Variants in DKK2 observed in about 807,000 individuals in gnomAD.
The protein encoded by DKK2 is dickkopf-related protein 2.
Under a neutral mutation model 28.1 loss-of-function variants are expected in DKK2, and 11 were observed. The ratio of observed to expected loss-of-function variants is 0.39; its 90% CI spans 0.25 to 0.65. The LOEUF is 0.65. Among genes scored for constraint, DKK2 ranks in the 30% least tolerant of loss-of-function variants. DKK2 has a pLI of 0.47. For missense variants in DKK2, 326 were observed against 335.5 expected (o/e 0.97, Z 0.22); for synonymous variants, 135 against 126.5 (o/e 1.07, Z -0.45).
At chr4:106,977,815 C>A (rs930917161) in intron 1 of DKK2, among the ~76,000 whole-genome samples, 6 of 152,106 alleles carry the variant, frequency 3.9e-5, no homozygotes, top group African/African-American at 1.4e-4. Flanking sequence ...GGAGAAGAGG[C>A]GCTCTGGTTT....
chr4:107,011,997 T>C lies in DKK2; in HGVS notation c.222+23373A>G, dbSNP rs1271779298. Reference sequence around the variant, plus strand: ...TATTAGTAAAAGTAAATTTCTATTTTGCTCCTAAAGAGTAGCAGCACCTCC... The same window carrying C: ...TATTAGTAAAAGTAAATTTCTATTTCGCTCCTAAAGAGTAGCAGCACCTCC... On this transcript the variant is annotated intron_variant, in intron 1 of 3. Transcript: ENST00000285311. Among the ~76,000 whole-genome samples the C allele has an allele frequency of 2.0e-5, 3 of 151,474 alleles. No homozygotes were observed. The East Asian group carries it at 5.8e-4, about 29-fold the overall frequency.
rs1329141975 is a variant in DKK2, at chr4:106,978,980, C to T, written c.223-53031G>A. 4.6e-5 allele frequency among the ~76,000 whole-genome samples: 7 copies of T among 152,212 alleles called. No individual in the cohort carries two copies. The East Asian group carries it at 1.4e-3, about 30-fold the overall frequency. On this transcript the variant is annotated intron_variant, in intron 1 of 3. Coordinates refer to ENST00000285311, the MANE Select transcript of DKK2 (RefSeq NM_014421.3). ...CCGGAATGCACCACTCCTCACAGCA[C>T]AGTCCCTCACAGCTTCCCTTGGGTA...
chr4:106,974,189 T>G (rs1331931017), intron 1 of DKK2, among the ~76,000 whole-genome samples: 1 of 152,166 alleles, frequency 6.6e-6, no homozygotes, highest in Non-Finnish European at 1.5e-5. Flanking sequence ...CCTCCAGTTT[T>G]CTTCTTTTTG....
At position 106,923,723 on chromosome 4, in the gene DKK2, A is replaced by G. The variant is rs1724382385; in HGVS notation, c.*231T>C. On this transcript the variant is annotated 3_prime_UTR_variant, in exon 4 of 4. Transcript: ENST00000285311. ...AATAGCATTTTCCACAAATGTGTACATTATTTACATAGACAAGTTGCATAA... is the reference window on the plus strand; with the variant it reads ...AATAGCATTTTCCACAAATGTGTACGTTATTTACATAGACAAGTTGCATAA... 1.8e-6 allele frequency: 1 copy of G among 546,410 alleles called. No individual in the cohort carries two copies. The highest frequency in any genetic ancestry group is 1.9e-5 in the African/African-American group (1 of 52,864). 33.8% of individuals were successfully genotyped at this position (546,410 alleles called of 1,614,324 possible).
chr4:107,036,061 T>A lies in DKK2; in HGVS notation c.-470A>T, dbSNP rs1160133015. The A allele has an allele frequency of 1.2e-5, 2 of 171,746 alleles. No individual in the cohort carries two copies. Among genetic ancestry groups the A allele is most frequent in the Middle Eastern group, 2.7e-3 (1 of 368 alleles). 10.6% of individuals were successfully genotyped at this position (171,746 alleles called of 1,614,324 possible). A position where few individuals can be genotyped will look rare whatever the true frequency, so the allele number is the denominator to read the frequency against. On this transcript the variant is annotated 5_prime_UTR_variant, in exon 1 of 4. Transcript: ENST00000285311. Reference sequence around the variant, plus strand: ...CTCTCCTCTCTTTTCCTATCCTTTATGTGTCAAACTTTGCAGGACACAGTG... The same window carrying A: ...CTCTCCTCTCTTTTCCTATCCTTTAAGTGTCAAACTTTGCAGGACACAGTG...
intron 1 of DKK2, among the ~76,000 whole-genome samples, chr4:107,024,995 A>G (rs1723752136): frequency 6.6e-6 from 1 of 152,240 alleles, no homozygotes; most frequent in African/African-American, 2.4e-5. Flanking sequence ...ACATCAGAGT[A>G]TCAAATGTTT....
intron 1 of DKK2, among the ~76,000 whole-genome samples, chr4:106,985,676 G>A (rs1234508098): frequency 1.3e-5 from 2 of 151,806 alleles, no homozygotes; most frequent in African/African-American, 4.8e-5. Flanking sequence ...CGGCATGGTG[G>A]CGGGCGCCTG....
chr4:106,989,059 A>G (rs1723166848), intron 1 of DKK2, among the ~76,000 whole-genome samples: 1 of 152,180 alleles, frequency 6.6e-6, no homozygotes, highest in Non-Finnish European at 1.5e-5. Flanking sequence ...TGACCTGACA[A>G]GCACTTGGAA....
At chr4:107,034,605 C>A (rs560779385) in intron 1 of DKK2, among the ~76,000 whole-genome samples, 34 of 152,192 alleles carry the variant, frequency 2.2e-4, no homozygotes, top group Non-Finnish European at 4.0e-4. Flanking sequence ...CCTGCTGTAT[C>A]GCTGGCGCCT....
chr4:106,967,942 A>G (rs563123773), intron 1 of DKK2, among the ~76,000 whole-genome samples: 25 of 136,970 alleles, frequency 1.8e-4, no homozygotes, highest in African/African-American at 6.5e-4. Flanking sequence ...AGGAAGGAAG[A>G]AAGAGAGAAA....
intron 1 of DKK2, among the ~76,000 whole-genome samples, chr4:106,991,345 C>A (rs979603067): frequency 1.3e-5 from 2 of 152,044 alleles, no homozygotes; most frequent in African/African-American, 2.4e-5. Context: ...CAGTAGAAAT[C>A]GAGGTTTTCA....
At chr4:106,966,293 G>A (rs1248883074) in intron 1 of DKK2, among the ~76,000 whole-genome samples, 2 of 151,992 alleles carry the variant, frequency 1.3e-5, no homozygotes, top group Non-Finnish European at 2.9e-5. Context: ...CTTTTGTGAT[G>A]TACCACTCTT....
At chr4:107,023,749 A>G in intron 1 of DKK2, among the ~76,000 whole-genome samples, 1 of 152,084 alleles carries the variant, frequency 6.6e-6, no homozygotes, top group East Asian at 1.9e-4. Context: ...GTTTATGGAA[A>G]CTGACTATAC....
At chr4:106,948,201 T>C (rs1724806181) in intron 1 of DKK2, among the ~76,000 whole-genome samples, 1 of 152,134 alleles carries the variant, frequency 6.6e-6, no homozygotes, top group Admixed American at 6.6e-5. Context: ...GCAAATTCTC[T>C]ACCAGACCAG....
At chr4:106,987,602 G>A (rs1324781661) in intron 1 of DKK2, among the ~76,000 whole-genome samples, 3 of 151,656 alleles carry the variant, frequency 2.0e-5, no homozygotes, top group Non-Finnish European at 4.4e-5. Flanking sequence ...TGGGGTATTT[G>A]CAACTTCAGT....
chr4:106,925,953 T>C lies in DKK2; in HGVS notation c.223-4A>G, dbSNP rs1232670140. On this transcript the variant is annotated splice_region_variant and splice_polypyrimidine_tract_variant and intron_variant, in intron 1 of 3. Coordinates refer to ENST00000285311, the MANE Select transcript of DKK2 (RefSeq NM_014421.3). ...TATCACTGCTACAAGGGTAGGCCTG[T>C]CATCAAGTGGAACAACACCAGAAGT... 2 of 1,597,502 alleles carry C rather than the reference T, an allele frequency of 1.3e-6. No individual in the cohort carries two copies. Among genetic ancestry groups the C allele is most frequent in the South Asian group, 1.1e-5 (1 of 88,598 alleles).
At chr4:106,978,040 C>A (rs772203337) in intron 1 of DKK2, among the ~76,000 whole-genome samples, 4 of 152,200 alleles carry the variant, frequency 2.6e-5, no homozygotes, top group Non-Finnish European at 5.9e-5. Context: ...CCACTCCAGA[C>A]CCTGTTTGCC....
chr4:106,998,999 T>C (rs1723317163), intron 1 of DKK2, among the ~76,000 whole-genome samples: 1 of 152,178 alleles, frequency 6.6e-6, no homozygotes, highest in Non-Finnish European at 1.5e-5. Flanking sequence ...AATATAACTC[T>C]TTAGAATTAT....
intron 1 of DKK2, among the ~76,000 whole-genome samples, chr4:107,013,322 T>C (rs1723541028): frequency 6.6e-6 from 1 of 151,496 alleles, no homozygotes; most frequent in Admixed American, 6.6e-5. Context: ...CAAAATAGCA[T>C]AGTGCTGGCA....
Sources: allele counts gnomAD v4.1 joint callset (sites outside exome capture counted in the v4.1 genomes callset), GRCh38; gene constraint gnomAD v4.1.1; transcripts MANE v1.5; gene names NCBI Gene and HGNC (gene_info 2026-07-23, HGNC 2026-07-21).